ENTPD6: variants seen among roughly 807,000 people sequenced by gnomAD.
ENTPD6 encodes ectonucleoside triphosphate diphosphohydrolase 6, also known as CD39 antigen-like 2.
In ENTPD6, 46 loss-of-function variants were observed where a neutral mutation model predicts 61.5. The observed-to-expected ratio is 0.75, with a 90% confidence interval of 0.59 to 0.96. The LOEUF is 0.96. ENTPD6 is among the 40% of genes least tolerant of loss of function. The pLI is 0.00. For missense variants in ENTPD6, 612 were observed against 629.0 expected (o/e 0.97, Z 0.29); for synonymous variants, 252 against 255.5 (o/e 0.99, Z 0.13).
At position 25,222,905 on chromosome 20, in the gene ENTPD6, G is replaced by A. The variant is rs150868438; in HGVS notation, c.1113G>A (p.Thr371=). The change falls in exon 12 of 15, where the codon ACG becomes ACA. Residue 371 remains threonine (T), a synonymous_variant. Coordinates refer to ENST00000376652, the MANE Select transcript of ENTPD6 (RefSeq NM_001247.5). ...TCCTTCAAAACAGAGTGCACAGGAC[G>A]GAGGAAGTGAAGCATGTGGACTTCT... is the stretch of plus-strand genomic sequence containing the variant. ...SEVLQNRVHR[T]EEVKHVDFYA... 3.2e-4 allele frequency: 511 copies of A among 1,614,158 alleles called. No homozygotes were observed. The highest frequency in any genetic ancestry group is 6.3e-4 in the African/African-American group (47 of 75,042).
intron 4 of ENTPD6, among the ~76,000 whole-genome samples, chr20:25,212,985 G>A (rs1003547952): frequency 1.7e-4 from 26 of 152,224 alleles, no homozygotes; most frequent in Admixed American, 9.2e-4. Flanking sequence ...GATTACAGGC[G>A]TAAGCCACCG....
At chr20:25,215,738 T>TAGCC (rs2092275389) in intron 7 of ENTPD6, 27 bp downstream of exon 7, 1 of 1,613,566 alleles carries the variant, frequency 6.2e-7, no homozygotes, top group South Asian at 1.1e-5. Flanking sequence ...TCACAGAGGC[T>TAGCC]AGCCGATCAC....
chr20:25,197,290 A>T (rs1446586135), intron 1 of ENTPD6: 22 of 947,536 alleles, frequency 2.3e-5, no homozygotes, highest in Non-Finnish European at 2.8e-5. Context: ...CACCAACAAC[A>T]CTGCTCTACC....
At chr20:25,202,981 C>A (rs955747428) in intron 1 of ENTPD6, among the ~76,000 whole-genome samples, 1 of 152,212 alleles carries the variant, frequency 6.6e-6, no homozygotes, top group African/African-American at 2.4e-5. Context: ...ACACGCACAT[C>A]TTTTATTAAT....
At chr20:25,197,743 C>T (rs1244835386) in intron 1 of ENTPD6, among the ~76,000 whole-genome samples, 1 of 152,178 alleles carries the variant, frequency 6.6e-6, no homozygotes, top group Non-Finnish European at 1.5e-5. Flanking sequence ...CAAGGCTGTT[C>T]CTGGTTCTGT....
chr20:25,225,293 C>T lies in ENTPD6; in HGVS notation c.1332C>T (p.Gly444=). 1 of 1,613,274 alleles carries T rather than the reference C, an allele frequency of 6.2e-7. No individual in the cohort carries two copies. Among genetic ancestry groups the T allele is most frequent in the East Asian group, 2.2e-5 (1 of 44,864 alleles). ...TCAGCCTGCTACTCCAGGAGTTCGG[C>T]TTTCCCAGGAGCAAAGTGCTGAAGG... ...TYVSLLLQEF[G]FPRSKVLKLT... The change falls in exon 14 of 15, where the codon GGC becomes GGT. Residue 444 remains glycine, a synonymous_variant. Transcript: ENST00000376652.
At chr20:25,223,951 G>C (rs1307382997) in intron 12 of ENTPD6, 150 bp from the exon 13 acceptor site, 1 of 632,988 alleles carries the variant, frequency 1.6e-6, no homozygotes. Context: ...CTCAGAGCAC[G>C]TGAGTGCCGC....
intron 12 of ENTPD6, 70 bp from the exon 13 acceptor site, chr20:25,224,031 C>T (rs886992545): frequency 9.5e-6 from 14 of 1,473,100 alleles, no homozygotes; most frequent in Non-Finnish European, 1.0e-5. Flanking sequence ...TTCCCCGTGC[C>T]AGCCTCACGT....
At position 25,213,416 on chromosome 20, in the gene ENTPD6, G is replaced by A. The variant is rs768220434; in HGVS notation, c.597+10G>A. 7 of 1,596,602 alleles carry A rather than the reference G, an allele frequency of 4.4e-6. No individual in the cohort carries two copies. Among genetic ancestry groups the A allele is most frequent in the Non-Finnish European group, 5.1e-6 (6 of 1,170,920 alleles). On this transcript the variant is annotated intron_variant, in intron 5 of 14. Transcript: ENST00000376652. ...GAAGTTACTGCAGAAGGTGAGCCTG[G>A]CCATTCCCCAGTGCCATTAGCCAGC...
chr20:25,208,953 G>T (rs1389271490), intron 3 of ENTPD6, among the ~76,000 whole-genome samples: 2 of 151,836 alleles, frequency 1.3e-5, no homozygotes, highest in African/African-American at 4.8e-5. Flanking sequence ...GTCTCGCTCT[G>T]CTGCCCAGGC....
chr20:25,206,201 A>G (rs1568609798), intron 1 of ENTPD6, among the ~76,000 whole-genome samples: 1 of 152,154 alleles, frequency 6.6e-6, no homozygotes, highest in Non-Finnish European at 1.5e-5. Context: ...AGCCGGTGCC[A>G]CTTCCAGCCC....
intron 1 of ENTPD6, among the ~76,000 whole-genome samples, chr20:25,198,206 T>C (rs1203896692): frequency 6.6e-6 from 1 of 152,198 alleles, no homozygotes; most frequent in African/African-American, 2.4e-5. Context: ...CCAGGTGCGG[T>C]GTCTCACACC....
At chr20:25,206,444 C>A in intron 1 of ENTPD6, 78 bp from the exon 2 acceptor site, 1 of 1,093,356 alleles carries the variant, frequency 9.1e-7, no homozygotes, top group Non-Finnish European at 1.4e-6. Flanking sequence ...ACAATGGCAC[C>A]CAGTGAATTT....
At chr20:25,218,066 T>C (rs955365333) in intron 9 of ENTPD6, among the ~76,000 whole-genome samples, 6 of 151,932 alleles carry the variant, frequency 3.9e-5, no homozygotes, top group Non-Finnish European at 8.8e-5. Flanking sequence ...TCTCTCCTCC[T>C]CCTCCTCCCG....
chr20:25,224,366 A>G, intron 13 of ENTPD6: 1 of 448,946 alleles, frequency 2.2e-6, no homozygotes, highest in Non-Finnish European at 4.0e-6. Flanking sequence ...ACTTCCTCAG[A>G]TGCCATTTTA....
At chr20:25,211,458 G>A (rs904209098) in intron 4 of ENTPD6, among the ~76,000 whole-genome samples, 1 of 152,210 alleles carries the variant, frequency 6.6e-6, no homozygotes, top group African/African-American at 2.4e-5. Flanking sequence ...GGAGGCCCAC[G>A]TCCTGGCTCT....
rs767075992 is a variant in ENTPD6 at position 25,216,731 on chromosome 20, G to T, written c.793G>T (p.Val265Leu). ...CACTCAGATCGCCTTCCTGCCACGC[G>T]TGGAGGTAACAAGCCCTGCCGACCA... is the stretch of plus-strand genomic sequence containing the variant. ...GSTQIAFLPR[V>L]EGTLQASPPG... Residue 265 changes from valine to leucine, a missense_variant, in exon 8 of 15, where the codon GTG (valine) becomes TTG (leucine). Val to Leu is a conservative substitution (Grantham distance 32). Transcript: ENST00000376652. 2.5e-6 allele frequency: 4 copies of T among 1,593,540 alleles called. No individual in the cohort carries two copies. Among genetic ancestry groups the T allele is most frequent in the South Asian group, 1.1e-5 (1 of 87,326 alleles).
intron 1 of ENTPD6, chr20:25,197,201 T>A: frequency 2.0e-6 from 2 of 985,366 alleles, no homozygotes; most frequent in Non-Finnish European, 2.4e-6. Context: ...TCAATCCACA[T>A]CAGATGGCCC....
Position 25,225,257 on chromosome 20 carries a change from C to A in ENTPD6, c.1296C>A (p.Asp432Glu). 6.2e-7 allele frequency: 1 copy of A among 1,613,674 alleles called. No individual in the cohort carries two copies. Among genetic ancestry groups the A allele is most frequent in the Non-Finnish European group, 8.5e-7 (1 of 1,179,960 alleles). ...QPQSSPFSCM[D>E]LTYVSLLLQE... ...AGAGCAGCCCCTTCTCATGCATGGA[C>A]CTCACCTACGTCAGCCTGCTACTCC... Residue 432 changes from aspartate to glutamate, a missense_variant, in exon 14 of 15, where the codon GAC becomes GAA. Coordinates refer to ENST00000376652, the MANE Select transcript of ENTPD6 (RefSeq NM_001247.5).
Sources: gnomAD v4.1 joint callset for allele counts (sites outside exome capture counted in the v4.1 genomes callset) on GRCh38, gnomAD v4.1.1 for gene constraint, MANE v1.5 for transcripts, NCBI Gene and HGNC (gene_info 2026-07-23, HGNC 2026-07-21) for gene names.